The following PIK3CB variants were observed in gnomAD, a reference collection of about 807,000 sequenced individuals.
PIK3CB encodes phosphatidylinositol 4,5-bisphosphate 3-kinase catalytic subunit beta isoform.
Under a neutral mutation model 136.8 loss-of-function variants are expected in PIK3CB, and 39 were observed. The observed-to-expected ratio is 0.29, with a 90% CI of 0.22 to 0.37. The LOEUF (loss-of-function observed/expected upper bound fraction) is 0.37. PIK3CB is among the 10% of genes least tolerant of loss of function. The probability of loss-of-function intolerance (pLI) is 1.00; values close to 1 mark genes in which losing one functional copy is unlikely to be tolerated. For missense variants in PIK3CB, 868 were observed against 1,275.4 expected (o/e 0.68, Z 4.87); for synonymous variants, 428 against 436.6 (o/e 0.98, Z 0.25).
intron 8 of PIK3CB, among the ~76,000 whole-genome samples, chr3:138,729,364 C>T (rs1370653130): frequency 1.3e-5 from 2 of 151,858 alleles, no homozygotes; most frequent in African/African-American, 4.8e-5. Flanking sequence ...GGTATTTGGT[C>T]AAACATTTTT....
At chr3:138,784,460 C>G (rs776820964) in intron 2 of PIK3CB, among the ~76,000 whole-genome samples, 1 of 152,064 alleles carries the variant, frequency 6.6e-6, no homozygotes, top group South Asian at 2.1e-4. Flanking sequence ...CCACTTTGCA[C>G]GGTCTCCCTC....
At chr3:138,683,344 C>A in intron 18 of PIK3CB, among the ~76,000 whole-genome samples, 1 of 147,122 alleles carries the variant, frequency 6.8e-6, no homozygotes, top group South Asian at 2.1e-4. Context: ...ACAGTGAGAC[C>A]CTGTCTCAAA....
At chr3:138,810,800 G>T (rs897646702) in intron 1 of PIK3CB, among the ~76,000 whole-genome samples, 5 of 151,624 alleles carry the variant, frequency 3.3e-5, no homozygotes, top group Non-Finnish European at 5.9e-5. Flanking sequence ...GGCGCCTGTA[G>T]TCCCAGCTAC....
chr3:138,768,517 C>A (rs2045761958), intron 2 of PIK3CB, among the ~76,000 whole-genome samples: 1 of 152,228 alleles, frequency 6.6e-6, no homozygotes, highest in South Asian at 2.1e-4. Flanking sequence ...CACTCTAGTC[C>A]ATGGAACTGG....
At chr3:138,718,602 C>T (rs1459025481) in intron 8 of PIK3CB, among the ~76,000 whole-genome samples, 2 of 152,168 alleles carry the variant, frequency 1.3e-5, no homozygotes, top group Non-Finnish European at 2.9e-5. Context: ...TTCCTAAGTG[C>T]AGGATGGTAT....
In PIK3CB at chr3:138,707,176, A is replaced by C. The variant is rs2044396665; in HGVS notation, c.1513T>G (p.Tyr505Asp). Residue 505 changes from tyrosine (Y) to aspartate (D), a missense_variant, in exon 11 of 24, where the codon TAC becomes GAC. By Grantham distance (160) the Tyr-to-Asp change is radical. This residue lies in a region of PIK3CB where 612 missense variants were observed against 801.1 expected (regional missense o/e 0.76). Coordinates refer to ENST00000674063, the MANE Select transcript of PIK3CB (RefSeq NM_006219.3). ...TAGCTTACCTTATCGAAGGGAGGGT[A>C]ATAATAAGGTTGTTTTTTATTCTCT... ...FPENKKQPYY[Y>D]PPFDKIIEKA... The C allele has an allele frequency of 6.3e-7, 1 of 1,588,756 alleles. No individual in the cohort carries two copies. The highest frequency in any genetic ancestry group is 1.3e-5 in the African/African-American group (1 of 74,350).
At chr3:138,819,344 C>A (rs1336830769) in intron 1 of PIK3CB, among the ~76,000 whole-genome samples, 1 of 148,818 alleles carries the variant, frequency 6.7e-6, no homozygotes, top group Non-Finnish European at 1.5e-5. Flanking sequence ...GAGACTCCGT[C>A]TCCAAAAAAA....
At chr3:138,722,111 G>A (rs115535179) in intron 8 of PIK3CB, among the ~76,000 whole-genome samples, 2,554 of 146,372 alleles carry the variant, frequency 0.017, 48 homozygotes, top group Non-Finnish European at 0.024. Context: ...ATACCTACTA[G>A]GAATCTTGCT....
rs778051872 is a variant in PIK3CB, at chr3:138,699,045, C to G, written c.1632G>C (p.Arg544Ser). 6.3e-7 allele frequency: 1 copy of G among 1,596,958 alleles called. No homozygotes were observed. The highest frequency in any genetic ancestry group is 8.6e-7 in the Non-Finnish European group (1 of 1,168,478). Residue 544 changes from arginine to serine, a missense_variant, in exon 13 of 24, where the codon AGG (arginine) becomes AGC (serine). Coordinates refer to ENST00000674063, the MANE Select transcript of PIK3CB (RefSeq NM_006219.3). ...FLPVLKEILD[R>S]DPLSQLCENE... ...TTTCACACAGTTGAGACAAGGGATC[C>G]CTGTCCAAGATTTCTTTCAATACAG...
Position 138,684,678 on chromosome 3 carries a change from G to C in PIK3CB, c.2262C>G (p.Ala754=), listed in dbSNP as rs558350621. 29 of 1,613,594 alleles carry C rather than the reference G, an allele frequency of 1.8e-5. No homozygotes were observed. Among genetic ancestry groups the C allele is most frequent in the Non-Finnish European group, 2.2e-5 (26 of 1,179,774 alleles). ...TCLKQSAYRE[A]LSDLQSPLNP... ...TCAGGGGTGACTGCAGGTCAGAGAG[G>C]GCTTCCCGGTAAGCACTCTGTTTTA... The change falls in exon 17 of 24, where the codon GCC becomes GCG. Residue 754 remains alanine (A), a synonymous_variant. Transcript: ENST00000674063.
chr3:138,830,416 G>T (rs919429277), intron 1 of PIK3CB, among the ~76,000 whole-genome samples: 1 of 151,998 alleles, frequency 6.6e-6, no homozygotes, highest in Non-Finnish European at 1.5e-5. Context: ...GCCAGGCGTG[G>T]TAGCGCACGC....
chr3:138,784,510 G>A (rs967484025), intron 2 of PIK3CB, among the ~76,000 whole-genome samples: 2 of 151,738 alleles, frequency 1.3e-5, no homozygotes, highest in African/African-American at 4.8e-5. Flanking sequence ...CCACCATCTC[G>A]GCTCACTGCA....
rs753463983 is a variant in PIK3CB, at chr3:138,681,973, T to G, written c.2498A>C (p.Asp833Ala). 1.6e-5 allele frequency: 25 copies of G among 1,593,526 alleles called. 1 individual carries two copies. In the South Asian group the frequency reaches 2.7e-4, roughly 17 times the overall value. ...MDLLWKEAGL[D>A]LRMLPYGCLA... is the part of the protein sequence containing the mutation. ...AAAAAAGACTAGATCTCACCGAAGA[T>G]CCAAACCAGCTTCTTTCCAGAGTAA... Residue 833 changes from aspartate (D) to alanine (A), a missense_variant, in exon 19 of 24, where the codon GAT becomes GCT. This residue lies in a region of PIK3CB where 165 missense variants were observed against 295.4 expected (regional missense o/e 0.56). Coordinates refer to ENST00000674063, the MANE Select transcript of PIK3CB (RefSeq NM_006219.3).
chr3:138,821,979 T>C (rs953565573), intron 1 of PIK3CB, among the ~76,000 whole-genome samples: 4 of 151,110 alleles, frequency 2.6e-5, no homozygotes, highest in Admixed American at 6.6e-5. Context: ...TGGCAAAATC[T>C]TTCTCCATGA....
chr3:138,711,344 C>A (rs1340927439), intron 10 of PIK3CB, among the ~76,000 whole-genome samples: 1 of 151,694 alleles, frequency 6.6e-6, no homozygotes, highest in Non-Finnish European at 1.5e-5. Context: ...TTTGGGATGG[C>A]CGAGGTGGGC....
intron 1 of PIK3CB, among the ~76,000 whole-genome samples, chr3:138,821,803 T>TA (rs1241666181): frequency 2.0e-5 from 3 of 151,128 alleles, no homozygotes; most frequent in Non-Finnish European, 4.4e-5. Context: ...AAAATAAAAA[T>TA]AAAAAAAGGA....
chr3:138,655,986 C>T (rs1261568826), intron 23 of PIK3CB, among the ~76,000 whole-genome samples, 156 bp downstream of exon 23: 4 of 152,186 alleles, frequency 2.6e-5, no homozygotes, highest in East Asian at 1.9e-4. Flanking sequence ...AAAATTCCTC[C>T]TTTATGTACT....
chr3:138,739,201 T>C (rs1400156445), intron 5 of PIK3CB, among the ~76,000 whole-genome samples: 1 of 152,018 alleles, frequency 6.6e-6, no homozygotes, highest in African/African-American at 2.4e-5. Flanking sequence ...ATCCCAGCAC[T>C]TTGGGAGGCC....
At chr3:138,694,041 T>C (rs535596914) in intron 14 of PIK3CB, among the ~76,000 whole-genome samples, 1 of 142,998 alleles carries the variant, frequency 7.0e-6, no homozygotes, top group South Asian at 2.3e-4. Flanking sequence ...GGAGGGTGGA[T>C]AGACTGTGTG....
Sources: allele counts gnomAD v4.1 joint callset (sites outside exome capture counted in the v4.1 genomes callset), GRCh38; gene constraint gnomAD v4.1.1; regional missense constraint gnomAD v4.1.1; transcripts MANE v1.5; gene names NCBI Gene and HGNC (gene_info 2026-07-23, HGNC 2026-07-21).